PCGF3: variants seen among roughly 807,000 people sequenced by gnomAD.
PCGF3 encodes polycomb group ring finger 3, also known as polycomb group RING finger protein 3.
In PCGF3, 7 loss-of-function variants were observed where a neutral mutation model predicts 33.1. The ratio of observed to expected loss-of-function variants is 0.21; its 90% CI spans 0.12 to 0.40. The LOEUF is 0.40. PCGF3 is among the 10% of genes least tolerant of loss of function. The pLI, the probability that PCGF3 is intolerant of heterozygous loss-of-function variation, is 1.00. For synonymous variants in PCGF3, 153 were observed against 121.3 expected (o/e 1.26, Z -1.72); for missense variants, 211 against 313.3 (o/e 0.67, Z 2.46).
At chr4:766,791 TC>T (rs1577454456) in exon 11 of PCGF3, 1 of 152,348 alleles carries the variant, frequency 6.6e-6, no homozygotes, top group East Asian at 1.9e-4. Context: ...AGACGCCACG[TC>T]GGGATTTCTG....
chr4:751,563 C>T (rs1406509005), intron 8 of PCGF3, among the ~76,000 whole-genome samples: 1 of 152,096 alleles, frequency 6.6e-6, no homozygotes, highest in Non-Finnish European at 1.5e-5. Context: ...CTCTTAAGCC[C>T]TCCTCAGTCA....
At chr4:722,091 G>C (rs1209783113) in intron 1 of PCGF3, among the ~76,000 whole-genome samples, 1 of 152,184 alleles carries the variant, frequency 6.6e-6, no homozygotes, top group African/African-American at 2.4e-5. Context: ...GACGGTGTCT[G>C]TGTGAGAGCA....
At chr4:766,936 C>G (rs756308923) in exon 11 of PCGF3, 8 of 152,286 alleles carry the variant, frequency 5.3e-5, no homozygotes, top group African/African-American at 1.4e-4. Context: ...TTTTCTTTCC[C>G]TGTTTTGATT....
chr4:728,138 C>T (rs1743403951), intron 1 of PCGF3, among the ~76,000 whole-genome samples: 1 of 152,226 alleles, frequency 6.6e-6, no homozygotes, highest in South Asian at 2.1e-4. Flanking sequence ...TCGGACGTCA[C>T]CTGCTTTAGG....
At chr4:734,177 C>G in intron 4 of PCGF3, 1 of 1,539,474 alleles carries the variant, frequency 6.5e-7, no homozygotes, top group South Asian at 1.2e-5. Context: ...GTCCTCACAC[C>G]TGATGAGTCT....
chr4:755,457 C>T (rs552692871), intron 8 of PCGF3, among the ~76,000 whole-genome samples: 58 of 152,308 alleles, frequency 3.8e-4, no homozygotes, highest in African/African-American at 1.4e-3. Flanking sequence ...CCTCCTCCCT[C>T]GCCGCCCCAC....
intron 1 of PCGF3, among the ~76,000 whole-genome samples, chr4:722,591 C>T (rs184794562): frequency 0.011 from 1,147 of 108,076 alleles, 17 homozygotes; most frequent in African/African-American, 0.035. Context: ...TCCACACTCG[C>T]GTCATCGCCC....
rs780719522 is a variant in PCGF3 at position 734,952 on chromosome 4, A to G, written c.131A>G (p.Lys44Arg). 2.5e-6 allele frequency: 4 copies of G among 1,613,766 alleles called. No homozygotes were observed. The South Asian group carries it at 3.3e-5, about 13-fold the overall frequency. ...ACAGTCTGCAGGAGCTGCCTGGTGA[A>G]GTACCTGGAGGAGAACAACACCTGC... The change falls in exon 5 of 11, where the codon AAG becomes AGG. Residue 44 changes from lysine (K) to arginine (R), a missense_variant. Lys to Arg is a conservative substitution (Grantham distance 26, BLOSUM62 2). Around this residue, in one of 3 missense-constraint regions of PCGF3, gnomAD observed 53 missense variants for 106.5 expected, o/e 0.50. Transcript: ENST00000362003.
intron 8 of PCGF3, chr4:757,138 T>TGGG: frequency 6.6e-6 from 1 of 152,310 alleles, no homozygotes; most frequent in African/African-American, 2.4e-5. Context: ...AACGTAAACA[T>TGGG]ATTTTCTTCT....
chr4:758,682 G>A (rs1235608587), intron 8 of PCGF3, among the ~76,000 whole-genome samples: 4 of 79,594 alleles, frequency 5.0e-5, no homozygotes, highest in South Asian at 6.1e-4. Flanking sequence ...TTCTCCCCGC[G>A]CGGCCCCTCT....
intron 1 of PCGF3, among the ~76,000 whole-genome samples, chr4:727,166 T>C (rs1053397798): frequency 2.0e-5 from 3 of 151,364 alleles, no homozygotes; most frequent in African/African-American, 7.3e-5. Context: ...TTTGGGGCTG[T>C]TAGGAAAAGG....
chr4:717,114 A>G (rs1366909789), intron 1 of PCGF3, among the ~76,000 whole-genome samples: 2 of 65,132 alleles, frequency 3.1e-5, no homozygotes, highest in Admixed American at 1.4e-4. Flanking sequence ...GGGACCCTGT[A>G]GACACTGAAT....
At chr4:749,476 C>T (rs372116872) in intron 8 of PCGF3, among the ~76,000 whole-genome samples, 2 of 75,494 alleles carry the variant, frequency 2.6e-5, no homozygotes, top group Non-Finnish European at 4.6e-5. Context: ...ATTTTCTTTC[C>T]TTTTTTTTTT....
intron 8 of PCGF3, among the ~76,000 whole-genome samples, chr4:752,366 A>T (rs1182098654): frequency 6.6e-6 from 1 of 152,026 alleles, no homozygotes; most frequent in Non-Finnish European, 1.5e-5. Context: ...TTTTGCTCTC[A>T]TCTTTTTTTA....
intron 7 of PCGF3, among the ~76,000 whole-genome samples, chr4:744,358 C>A (rs971691948): frequency 1.3e-5 from 2 of 152,206 alleles, no homozygotes; most frequent in African/African-American, 4.8e-5. Flanking sequence ...CTCCGGCTGC[C>A]CCGTCTCTGT....
intron 1 of PCGF3, among the ~76,000 whole-genome samples, chr4:715,867 GTGTCGGTGCTGGGA>G (rs1742806261): frequency 8.5e-6 from 1 of 117,614 alleles, no homozygotes. Flanking sequence ...TGAGAACTGG[GTGTCGGTGCTGGGA>G]CCCTGTGGAC....
intron 1 of PCGF3, among the ~76,000 whole-genome samples, chr4:714,347 CCTT>C (rs533117348): frequency 5.5e-4 from 84 of 152,316 alleles, no homozygotes; most frequent in African/African-American, 1.9e-3. Flanking sequence ...TGCTTCCTCT[CCTT>C]CTCTCAGTAC....
intron 1 of PCGF3, among the ~76,000 whole-genome samples, chr4:715,576 T>C (rs1742789860): frequency 8.9e-6 from 1 of 112,620 alleles, no homozygotes. Flanking sequence ...GCTGGGACCC[T>C]GTGGACACTG....
chr4:736,699 G>A (rs1257680109), intron 5 of PCGF3, among the ~76,000 whole-genome samples: 4 of 150,628 alleles, frequency 2.7e-5, no homozygotes, highest in South Asian at 2.1e-4. Flanking sequence ...CAGGGAACCC[G>A]GGGTGTCCGC....
Sources: gnomAD v4.1 joint callset for allele counts (sites outside exome capture counted in the v4.1 genomes callset) on GRCh38, gnomAD v4.1.1 for gene constraint, gnomAD v4.1.1 regional missense constraint, MANE v1.5 for transcripts, NCBI Gene and HGNC (gene_info 2026-07-23, HGNC 2026-07-21) for gene names.